The following NT5DC3 variants were observed in gnomAD, a reference collection of about 807,000 sequenced individuals.
The protein encoded by NT5DC3 is 5'-nucleotidase domain-containing protein 3.
NT5DC3 carries 42 observed loss-of-function variants against 67.8 expected under a neutral mutation model. The observed-to-expected ratio is 0.62, with a 90% CI of 0.48 to 0.80. The LOEUF is 0.80. NT5DC3 is among the 30% of genes least tolerant of loss of function. The pLI, the probability that NT5DC3 is intolerant of heterozygous loss-of-function variation, is 0.00. For missense variants in NT5DC3, 570 were observed against 696.4 expected, an observed-to-expected ratio of 0.82 and a Z score of 2.04; for synonymous variants, 237 against 255.6, an observed-to-expected ratio of 0.93 and a Z score of 0.69.
chr12:103,758,098 G>T, the NT5DC3 span: 1 of 1,600,592 alleles, frequency 6.2e-7, no homozygotes, highest in Non-Finnish European at 8.5e-7. Context: ...TGATGCCCTG[G>T]GACCTTCTTC....
intron 11 of NT5DC3, 105 bp from the exon 12 acceptor site, chr12:103,785,580 G>T: frequency 2.7e-6 from 3 of 1,118,956 alleles, no homozygotes; most frequent in Non-Finnish European, 4.0e-6. Context: ...CTTTTTGATG[G>T]TAATGGTTAG....
chr12:103,777,633 T>G lies in NT5DC3; in HGVS notation c.*196A>C, dbSNP rs1593378113. On this transcript the variant is annotated 3_prime_UTR_variant, in exon 14 of 14. Coordinates refer to ENST00000392876, the MANE Select transcript of NT5DC3 (RefSeq NM_001031701.3). ...GTGAAGCTTGCCTTTCAGCCCTGCA[T>G]GGGGGGAAAGGCTGGAGGGGTGGGC... 2.0e-5 allele frequency: 12 copies of G among 611,118 alleles called. No individual in the cohort carries two copies. The highest frequency in any genetic ancestry group is 2.9e-5 in the East Asian group (1 of 34,640). 37.9% of individuals were successfully genotyped at this position (611,118 alleles called of 1,614,324 possible).
chr12:103,806,925 G>C lies in NT5DC3; in HGVS notation c.398C>G (p.Pro133Arg), dbSNP rs1886824991. 1 of 1,591,240 alleles carries C rather than the reference G, an allele frequency of 6.3e-7. No homozygotes were observed. The highest frequency in any genetic ancestry group is 1.3e-5 in the African/African-American group (1 of 74,608). ...ATACTCATACTTCCTGATTTCTGCT[G>C]GATACTAAGAAAGAAGAAAGGAACT... The part of the protein sequence containing the change: ...RDLLINEHRY[P>R]AEIRKYEYDP... The change falls in exon 3 of 14, where the codon CCA (proline) becomes CGA (arginine). Residue 133 changes from proline to arginine, a missense_variant. Pro to Arg is a moderately radical substitution (Grantham distance 103, BLOSUM62 -2). Around this residue, in one of 2 missense-constraint regions of NT5DC3, gnomAD observed 466 missense variants for 608.0 expected, o/e 0.77. Coordinates refer to ENST00000392876, the MANE Select transcript of NT5DC3 (RefSeq NM_001031701.3).
chr12:103,803,690 C>G (rs1593409422), intron 4 of NT5DC3, among the ~76,000 whole-genome samples: 1 of 152,218 alleles, frequency 6.6e-6, no homozygotes, highest in East Asian at 1.9e-4. Flanking sequence ...CCATGAGTCC[C>G]CATCATTTAG....
chr12:103,775,741 T>C lies in NT5DC3; in HGVS notation c.*2088A>G, dbSNP rs895495108. Reference sequence around the variant, plus strand: ...ATGTAGAAGATGGGGAGAAGCCTTATTGGATCTAAAGGGTCACCTTCACCA... The same window carrying C: ...ATGTAGAAGATGGGGAGAAGCCTTACTGGATCTAAAGGGTCACCTTCACCA... On this transcript the variant is annotated 3_prime_UTR_variant, in exon 14 of 14. Coordinates refer to ENST00000392876, the MANE Select transcript of NT5DC3 (RefSeq NM_001031701.3). 1.3e-5 allele frequency: 2 copies of C among 152,168 alleles called. No individual in the cohort carries two copies. The highest frequency in any genetic ancestry group is 2.9e-5 in the Non-Finnish European group (2 of 68,034). 9.4% of individuals were successfully genotyped at this position (152,168 alleles called of 1,614,324 possible).
chr12:103,785,579 G>A, intron 11 of NT5DC3, 104 bp from the exon 12 acceptor site: 1 of 1,156,948 alleles, frequency 8.6e-7, no homozygotes, highest in Non-Finnish European at 1.3e-6. Flanking sequence ...ACTTTTTGAT[G>A]GTAATGGTTA....
intron 12 of NT5DC3, among the ~76,000 whole-genome samples, chr12:103,780,968 A>AT (rs1885524769): frequency 6.9e-6 from 1 of 145,458 alleles, no homozygotes. Flanking sequence ...TAAGTGTTTA[A>AT]TTTAAAAAAA....
the NT5DC3 span, among the ~76,000 whole-genome samples, chr12:103,758,749 A>G: frequency 6.6e-6 from 1 of 152,214 alleles, no homozygotes; most frequent in Non-Finnish European, 1.5e-5. Context: ...TGTGTTCCAC[A>G]CCAACCTTCT....
chr12:103,760,640 G>A, the NT5DC3 span, among the ~76,000 whole-genome samples: 1 of 152,182 alleles, frequency 6.6e-6, no homozygotes, highest in Non-Finnish European at 1.5e-5. Flanking sequence ...GGAGATGACC[G>A]TGGGGGTAGC....
chr12:103,793,318 C>A (rs1886150332), intron 8 of NT5DC3, 53 bp from the exon 9 acceptor site: 2 of 1,553,284 alleles, frequency 1.3e-6, no homozygotes, highest in Non-Finnish European at 8.9e-7. Context: ...TTAACTGTGT[C>A]TGTAACTTTT....
chr12:103,827,879 T>C (rs180952157), intron 1 of NT5DC3, among the ~76,000 whole-genome samples: 19 of 152,342 alleles, frequency 1.2e-4, no homozygotes, highest in Admixed American at 3.9e-4. Flanking sequence ...GTTTTCCTTC[T>C]CTAAAATTAC....
intron 11 of NT5DC3, among the ~76,000 whole-genome samples, chr12:103,787,187 T>C (rs1356118874): frequency 3.2e-5 from 4 of 125,882 alleles, no homozygotes; most frequent in African/African-American, 1.1e-4. Flanking sequence ...TGATAAACTC[T>C]GAGTGAACTT....
chr12:103,766,493 G>C, downstream of NT5DC3: 1 of 835,774 alleles, frequency 1.2e-6, no homozygotes. Context: ...TTCTGTGGGT[G>C]AGAGATGTGT....
the NT5DC3 span, among the ~76,000 whole-genome samples, chr12:103,761,723 C>T: frequency 6.6e-6 from 1 of 152,174 alleles, no homozygotes; most frequent in Admixed American, 6.5e-5. Context: ...CCCTCCACTT[C>T]GTAGCATCTC....
At chr12:103,759,191 A>G in the NT5DC3 span, 5 of 1,614,040 alleles carry the variant, frequency 3.1e-6, no homozygotes, top group Non-Finnish European at 4.2e-6. Flanking sequence ...TTTTTCTACA[A>G]TGACCTTGTC....
chr12:103,761,344 C>T, the NT5DC3 span: 4 of 1,614,134 alleles, frequency 2.5e-6, no homozygotes, highest in Non-Finnish European at 3.4e-6. Context: ...TGCAGTGGGA[C>T]ATCTTTGCCT....
the NT5DC3 span, chr12:103,746,632 C>T: frequency 2.5e-6 from 4 of 1,614,008 alleles, no homozygotes; most frequent in African/African-American, 4.0e-5. Context: ...TTGTTCTGCT[C>T]ATGCCACCTG....
At chr12:103,811,552 T>C (rs2139409077) in intron 2 of NT5DC3, among the ~76,000 whole-genome samples, 1 of 152,234 alleles carries the variant, frequency 6.6e-6, no homozygotes, top group Admixed American at 6.5e-5. Context: ...CAGGGTCATT[T>C]AAAAAAGCAA....
At chr12:103,756,738 G>A in the NT5DC3 span, among the ~76,000 whole-genome samples, 1 of 151,990 alleles carries the variant, frequency 6.6e-6, no homozygotes, top group African/African-American at 2.4e-5. Context: ...CATGAGTATA[G>A]GGCTTGTAGG....
Sources: allele counts gnomAD v4.1 joint callset (sites outside exome capture counted in the v4.1 genomes callset), GRCh38; gene constraint gnomAD v4.1.1; regional missense constraint gnomAD v4.1.1; transcripts MANE v1.5; gene names NCBI Gene and HGNC (gene_info 2026-07-23, HGNC 2026-07-21).